ARHGAP12: variants seen among roughly 807,000 people sequenced by gnomAD.
ARHGAP12 encodes the protein rho GTPase-activating protein 12.
In ARHGAP12, 64 loss-of-function variants were observed where a neutral mutation model predicts 108.6. The ratio of observed to expected loss-of-function variants is 0.59; its 90% CI spans 0.48 to 0.73. The LOEUF (loss-of-function observed/expected upper bound fraction) is 0.73, where lower values mean the gene tolerates loss of function less well. Among genes scored for constraint, ARHGAP12 ranks in the 30% least tolerant of loss-of-function variants. The pLI, the probability that ARHGAP12 is intolerant of heterozygous loss-of-function variation, is 0.00. For missense variants in ARHGAP12, 940 were observed against 1,005.9 expected, an observed-to-expected ratio of 0.93 and a Z score of 0.89; for synonymous variants, 312 against 337.2, an observed-to-expected ratio of 0.93 and a Z score of 0.82.
rs563732542 is a variant in ARHGAP12 at position 31,815,132 on chromosome 10, A to G, written c.1732-771T>C. On this transcript the variant is annotated intron_variant, in intron 13 of 19. Transcript: ENST00000344936. ...TAAGACTCTGTCTCAAAAAAAAAAA[A>G]AAAAGAAAGAAAGAAAAAAAAGAAA... 3.9e-3 allele frequency among the ~76,000 whole-genome samples: 592 copies of G among 151,328 alleles called. 5 individuals carry two copies. The highest frequency in any genetic ancestry group is 0.02 in the Middle Eastern group (6 of 294).
chr10:31,906,903 A>G lies in ARHGAP12; in HGVS notation c.684+1269T>C, dbSNP rs994034404. The stretch of plus-strand genomic sequence containing the variant: ...GAGCTAAATATAGAAAAATTCCAGG[A>G]AAGACTATATATTCTATGTCAGAGT... On this transcript the variant is annotated intron_variant, in intron 3 of 19. Transcript: ENST00000344936. Among the ~76,000 whole-genome samples the G allele has an allele frequency of 2.6e-5, 4 of 152,298 alleles. No homozygotes were observed. The East Asian group carries it at 5.8e-4, about 22-fold the overall frequency.
At chr10:31,910,971 G>A (rs1456711701) in intron 1 of ARHGAP12, among the ~76,000 whole-genome samples, 2 of 152,088 alleles carry the variant, frequency 1.3e-5, no homozygotes, top group Non-Finnish European at 2.9e-5. Flanking sequence ...AAGTTATTAG[G>A]TGTCCTAACA....
chr10:31,815,537 T>C (rs1835172963), intron 13 of ARHGAP12, among the ~76,000 whole-genome samples: 1 of 152,228 alleles, frequency 6.6e-6, no homozygotes, highest in South Asian at 2.1e-4. Flanking sequence ...TTCAAGAGTG[T>C]CTTAGGTATT....
At chr10:31,867,584 C>T (rs1394759224) in intron 3 of ARHGAP12, among the ~76,000 whole-genome samples, 4 of 152,078 alleles carry the variant, frequency 2.6e-5, no homozygotes, top group African/African-American at 9.7e-5. Flanking sequence ...AACAAATACA[C>T]TCAATGCTGG....
chr10:31,911,267 G>T (rs373372563), intron 1 of ARHGAP12, among the ~76,000 whole-genome samples: 2 of 151,964 alleles, frequency 1.3e-5, no homozygotes, highest in Non-Finnish European at 2.9e-5. Flanking sequence ...CAGGTGATCC[G>T]CCTGCCTCAG....
chr10:31,895,820 C>T (rs529294024), intron 3 of ARHGAP12, among the ~76,000 whole-genome samples: 3 of 152,134 alleles, frequency 2.0e-5, no homozygotes, highest in Non-Finnish European at 4.4e-5. Context: ...TTCACAATAG[C>T]AAAGTCTTGG....
rs1247710659 is a variant in ARHGAP12, at chr10:31,908,265, T to C, written c.591A>G (p.Gln197=). ...DVEKTSFSQE[Q]SCDSAGEGSE... ...AGCCTTCTCCTGCGGAATCACAAGATTGTTCCTGGGAGAAGCTAGTTTTCT... is the reference window on the plus strand; with the variant it reads ...AGCCTTCTCCTGCGGAATCACAAGACTGTTCCTGGGAGAAGCTAGTTTTCT... Residue 197 remains glutamine (Q), a synonymous_variant, in exon 3 of 20, where the codon CAA becomes CAG. Coordinates refer to ENST00000344936, the MANE Select transcript of ARHGAP12 (RefSeq NM_018287.7). The C allele has an allele frequency of 6.2e-7, 1 of 1,614,084 alleles. No homozygotes were observed. Among genetic ancestry groups the C allele is most frequent in the Non-Finnish European group, 8.5e-7 (1 of 1,180,026 alleles).
Position 31,865,353 on chromosome 10 carries a change from G to C in ARHGAP12, c.685-3695C>G, listed in dbSNP as rs376350339. Among the ~76,000 whole-genome samples the C allele has an allele frequency of 3.5e-4, 53 of 152,158 alleles. No homozygotes were observed. The East Asian group carries it at 9.7e-3, about 28-fold the overall frequency. ...GGACAGATTCAAGAAACAATCAGAA[G>C]GTTAAATTAACATACAGGTTGTATG... On this transcript the variant is annotated intron_variant, in intron 3 of 19. Transcript: ENST00000344936.
In ARHGAP12 at chr10:31,824,204, A is replaced by C. The variant is rs1421330455; in HGVS notation, c.1530+2100T>G. On this transcript the variant is annotated intron_variant, in intron 11 of 19. Transcript: ENST00000344936. ...GGTTTTAAAATTAGCCATAAAATAC[A>C]AATTAAGAATTGACTGTACAACCAA... 4.6e-5 allele frequency among the ~76,000 whole-genome samples: 7 copies of C among 152,188 alleles called. No individual in the cohort carries two copies. In the East Asian group the frequency reaches 1.3e-3, roughly 29 times the overall value.
chr10:31,865,243 G>T (rs1289341174), intron 3 of ARHGAP12, among the ~76,000 whole-genome samples: 2 of 152,162 alleles, frequency 1.3e-5, no homozygotes, highest in Non-Finnish European at 2.9e-5. Flanking sequence ...ATTTTAGAGA[G>T]ACGCAACTAG....
intron 11 of ARHGAP12, among the ~76,000 whole-genome samples, chr10:31,821,999 AG>A (rs1382281843): frequency 7.9e-5 from 12 of 152,314 alleles, no homozygotes; most frequent in Admixed American, 6.5e-4. Context: ...GTAGATGGGT[AG>A]CTCTAAGCTA....
chr10:31,877,284 T>C (rs1039503814), intron 3 of ARHGAP12, among the ~76,000 whole-genome samples: 3 of 152,220 alleles, frequency 2.0e-5, no homozygotes, highest in African/African-American at 7.2e-5. Context: ...GCTTTCAGTC[T>C]TCATACTCTG....
intron 7 of ARHGAP12, among the ~76,000 whole-genome samples, chr10:31,841,681 T>TAACCCAC (rs1357902491): frequency 4.6e-5 from 7 of 152,278 alleles, no homozygotes; most frequent in African/African-American, 1.7e-4. Context: ...GTACAGTGGG[T>TAACCCAC]TAGGTGTATT....
chr10:31,891,909 C>T (rs185814245), intron 3 of ARHGAP12, among the ~76,000 whole-genome samples: 102 of 152,306 alleles, frequency 6.7e-4, no homozygotes, highest in African/African-American at 1.9e-3. Context: ...ACATAGTTCT[C>T]GTGCCATGGT....
intron 4 of ARHGAP12, 66 bp from the exon 5 acceptor site, chr10:31,854,272 T>G: frequency 7.2e-7 from 1 of 1,386,784 alleles, no homozygotes; most frequent in Non-Finnish European, 9.7e-7. Flanking sequence ...GTTGAAAATC[T>G]AATAAATAAA....
At chr10:31,868,888 A>G (rs1837435271) in intron 3 of ARHGAP12, among the ~76,000 whole-genome samples, 1 of 152,160 alleles carries the variant, frequency 6.6e-6, no homozygotes, top group South Asian at 2.1e-4. Context: ...ACTGCACTCT[A>G]GCCTGGGTTT....
chr10:31,863,868 T>C (rs968755550), intron 3 of ARHGAP12, among the ~76,000 whole-genome samples: 23 of 152,096 alleles, frequency 1.5e-4, no homozygotes, highest in Non-Finnish European at 3.2e-4. Context: ...CAGGTGACAC[T>C]TCCTTAATTT....
rs970484424 is a variant in ARHGAP12, at chr10:31,866,388, T to C, written c.685-4730A>G. On this transcript the variant is annotated intron_variant, in intron 3 of 19. Coordinates refer to ENST00000344936, the MANE Select transcript of ARHGAP12 (RefSeq NM_018287.7). ...TACAGAAAACAAGTATTGTGAGGCA[T>C]TGTACAACAATCAGCTGCAGACTGT... Among the ~76,000 whole-genome samples, 20 of 152,268 alleles carry C rather than the reference T, an allele frequency of 1.3e-4. No homozygotes were observed. In the East Asian group the frequency reaches 3.7e-3, roughly 28 times the overall value.
intron 1 of ARHGAP12, among the ~76,000 whole-genome samples, chr10:31,911,201 T>C (rs1455581710): frequency 6.6e-6 from 1 of 152,010 alleles, no homozygotes; most frequent in Non-Finnish European, 1.5e-5. Context: ...TTTTTGCATT[T>C]TTATTAGAGA....
Sources: gnomAD v4.1 joint callset for allele counts (sites outside exome capture counted in the v4.1 genomes callset) on GRCh38, gnomAD v4.1.1 for gene constraint, MANE v1.5 for transcripts, NCBI Gene and HGNC (gene_info 2026-07-23, HGNC 2026-07-21) for gene names.